RMDN1: variants seen among roughly 807,000 people sequenced by gnomAD.
The protein encoded by RMDN1 is regulator of microtubule dynamics protein 1.
RMDN1 carries 48 observed loss-of-function variants against 48.9 expected under a neutral mutation model. The ratio of observed to expected loss-of-function variants is 0.98; its 90% CI spans 0.78 to 1.25. The LOEUF (loss-of-function observed/expected upper bound fraction) is 1.25. Among genes scored for constraint, RMDN1 ranks in the 50% most tolerant of loss-of-function variants. The pLI is 0.00. For synonymous variants in RMDN1, 148 were observed against 132.6 expected (o/e 1.12, Z -0.80); for missense variants, 418 against 373.4 (o/e 1.12, Z -0.98).
Position 86,474,964 on chromosome 8 carries a change from G to C in RMDN1, c.761-11C>G. 2 of 1,578,702 alleles carry C rather than the reference G, an allele frequency of 1.3e-6. No individual in the cohort carries two copies. The highest frequency in any genetic ancestry group is 1.7e-6 in the Non-Finnish European group (2 of 1,168,896). ...AGAAGTTTGGATCCACTGCACATAAGAAAGAAAAAATGATCTCAGAGGAAA... is the reference window on the plus strand; with the variant it reads ...AGAAGTTTGGATCCACTGCACATAACAAAGAAAAAATGATCTCAGAGGAAA... On this transcript the variant is annotated splice_polypyrimidine_tract_variant and intron_variant, in intron 8 of 9. Coordinates refer to ENST00000406452, the MANE Select transcript of RMDN1 (RefSeq NM_016033.3).
At chr8:86,504,737 T>C in intron 2 of RMDN1, 1 of 1,009,378 alleles carries the variant, frequency 9.9e-7, no homozygotes, top group Non-Finnish European at 1.6e-6. Context: ...TTTCCTGGTT[T>C]ATTGTGGCCG....
At chr8:86,470,085 T>C, downstream of RMDN1, 2 of 1,109,798 alleles carry the variant, frequency 1.8e-6, no homozygotes, top group South Asian at 1.6e-5. Context: ...TTTAGGTTCT[T>C]ATAGAATCAC....
chr8:86,489,861 C>A (rs1203558531), intron 2 of RMDN1, among the ~76,000 whole-genome samples: 1 of 150,388 alleles, frequency 6.6e-6, no homozygotes, highest in Non-Finnish European at 1.5e-5. Flanking sequence ...GGGGGTAGTT[C>A]TAGTTTTTAA....
intron 2 of RMDN1, among the ~76,000 whole-genome samples, chr8:86,495,923 C>T (rs1035013434): frequency 2.0e-4 from 30 of 152,174 alleles, no homozygotes; most frequent in African/African-American, 6.0e-4. Flanking sequence ...TCACCTACTA[C>T]GGGAATCCCA....
Position 86,474,664 on chromosome 8 carries a change from A to G in RMDN1, c.894+156T>C, listed in dbSNP as rs1202909713. The G allele has an allele frequency of 1.6e-5, 13 of 813,878 alleles. No homozygotes were observed. In the African/African-American group the frequency reaches 1.9e-4, roughly 12 times the overall value. The allele number at this position is 813,878 out of a possible 1,614,324, so 50.4% of individuals were successfully genotyped here. ...ATAGTAACTAAATTATTTCCTATATAGAAATATAAATGTCAATCAATTTAC... is the reference window on the plus strand; with the variant it reads ...ATAGTAACTAAATTATTTCCTATATGGAAATATAAATGTCAATCAATTTAC... On this transcript the variant is annotated intron_variant, in intron 9 of 9. Transcript: ENST00000406452.
At chr8:86,508,693 A>C, upstream of RMDN1, 1 of 1,403,710 alleles carries the variant, frequency 7.1e-7, no homozygotes, top group Non-Finnish European at 9.2e-7. Context: ...AAGGAGATTC[A>C]ATCCTTCCGG....
In RMDN1 at chr8:86,488,593, T is replaced by G. The variant is rs747337179; in HGVS notation, c.294A>C (p.Glu98Asp). Residue 98 changes from glutamate (E) to aspartate (D), a missense_variant, in exon 3 of 10, where the codon GAA (glutamate) becomes GAC (aspartate). Physicochemically the swap from Glu to Asp is conservative, Grantham distance 45. Transcript: ENST00000406452. The stretch of plus-strand genomic sequence containing the variant: ...TTAGCAACTGATAAAGTTTTTCTGT[T>G]TCTCCGCTTTCATACAGGTAGTCTG... ...EQADYLYESG[E>D]TEKLYQLLTQ... The G allele has an allele frequency of 6.2e-7, 1 of 1,611,490 alleles. No individual in the cohort carries two copies. Among genetic ancestry groups the G allele is most frequent in the Admixed American group, 1.7e-5 (1 of 59,552 alleles).
chr8:86,510,990 T>C (rs770279991), upstream of RMDN1, among the ~76,000 whole-genome samples: 1 of 83,606 alleles, frequency 1.2e-5, no homozygotes, highest in Non-Finnish European at 2.6e-5. Flanking sequence ...TGTTGTTTGT[T>C]TTTTGTTTTT....
downstream of RMDN1, among the ~76,000 whole-genome samples, chr8:86,471,147 CTTT>C (rs201332051): frequency 7.8e-6 from 1 of 128,416 alleles, no homozygotes. Flanking sequence ...TACACAGGAT[CTTT>C]TTTTTTTTTT....
Position 86,490,895 on chromosome 8 carries a change from C to T in RMDN1, c.248-2256G>A, listed in dbSNP as rs997530361. Among the ~76,000 whole-genome samples the T allele has an allele frequency of 6.6e-5, 10 of 151,992 alleles. 1 individual carries two copies. Among genetic ancestry groups the T allele is most frequent in the East Asian group, 3.9e-4 (2 of 5,164 alleles). On this transcript the variant is annotated intron_variant, in intron 2 of 9. Coordinates refer to ENST00000406452, the MANE Select transcript of RMDN1 (RefSeq NM_016033.3). ...ATTGTCAGCCAGGCATGGCAGCTCA[C>T]GCCTATACTCCCAACACTTTGGGAG...
At chr8:86,487,940 G>C (rs1299194580) in intron 3 of RMDN1, among the ~76,000 whole-genome samples, 11 of 151,922 alleles carry the variant, frequency 7.2e-5, no homozygotes, top group Admixed American at 7.2e-4. Context: ...TTTTAGTTTA[G>C]GAGATGAGGT....
chr8:86,476,868 AT>A lies in RMDN1; in HGVS notation c.760+425del, dbSNP rs200105874. Among the ~76,000 whole-genome samples, 459 of 151,826 alleles carry A rather than the reference AT, an allele frequency of 3.0e-3. 6 individuals are homozygous for A. The highest frequency in any genetic ancestry group is 0.011 in the African/African-American group (440 of 41,404). ...GTGCTACCACACCTGGCTAATTTTT[AT>A]TTTTATTTTTTGGTAGAGATGAGGT... On this transcript the variant is annotated intron_variant, in intron 8 of 9. Coordinates refer to ENST00000406452, the MANE Select transcript of RMDN1 (RefSeq NM_016033.3).
At chr8:86,484,827 A>T in intron 5 of RMDN1, 45 bp downstream of exon 5, 12 of 1,287,786 alleles carry the variant, frequency 9.3e-6, no homozygotes, top group Non-Finnish European at 1.2e-5. Context: ...CTATTCAGAA[A>T]AATATGACTT....
At chr8:86,510,653 C>A (rs1407365965), upstream of RMDN1, among the ~76,000 whole-genome samples, 1 of 152,194 alleles carries the variant, frequency 6.6e-6, no homozygotes, top group Admixed American at 6.5e-5. Context: ...AGCTAAGCCA[C>A]TTCTAAATTC....
upstream of RMDN1, among the ~76,000 whole-genome samples, chr8:86,512,517 T>C (rs563394946): frequency 1.3e-5 from 2 of 152,312 alleles, no homozygotes; most frequent in South Asian, 2.1e-4. Context: ...TCAAATACCA[T>C]CTTAGAGAGC....
chr8:86,471,786 T>C (rs1199635599), downstream of RMDN1, among the ~76,000 whole-genome samples: 1 of 152,264 alleles, frequency 6.6e-6, no homozygotes, highest in Admixed American at 6.5e-5. Context: ...TGGAAATAAG[T>C]TGGAACAGCG....
chr8:86,470,193 A>G (rs761718357), downstream of RMDN1: 57 of 1,288,994 alleles, frequency 4.4e-5, no homozygotes, highest in Non-Finnish European at 5.8e-5. Context: ...AATAACACTT[A>G]GAACACAGAG....
downstream of RMDN1, among the ~76,000 whole-genome samples, chr8:86,469,532 A>T (rs1812377975): frequency 6.6e-6 from 1 of 152,142 alleles, no homozygotes; most frequent in African/African-American, 2.4e-5. Flanking sequence ...TTCTGAGAGG[A>T]GGTTCAAAAT....
chr8:86,478,613 T>C (rs1227758331), intron 7 of RMDN1: 1 of 300,780 alleles, frequency 3.3e-6, no homozygotes, highest in African/African-American at 2.2e-5. Flanking sequence ...ACAGATGCTG[T>C]ATTTCTTGTT....
Sources: allele counts gnomAD v4.1 joint callset (sites outside exome capture counted in the v4.1 genomes callset), GRCh38; gene constraint gnomAD v4.1.1; transcripts MANE v1.5; gene names NCBI Gene and HGNC (gene_info 2026-07-23, HGNC 2026-07-21).